The following FHIT variants were observed in gnomAD, a reference collection of about 807,000 sequenced individuals.
FHIT encodes the protein fragile histidine triad diadenosine triphosphatase.
A neutral mutation model predicts 17.9 loss-of-function variants in FHIT; 19 were observed. The ratio of observed to expected loss-of-function variants is 1.06; its 90% CI spans 0.74 to 1.56. FHIT has a LOEUF of 1.56. Among genes scored for constraint, FHIT ranks in the 40% most tolerant of loss-of-function variants. The probability of loss-of-function intolerance (pLI) is 0.00; values close to 1 mark genes in which losing one functional copy is unlikely to be tolerated. For missense variants in FHIT, 248 were observed against 189.2 expected, an observed-to-expected ratio of 1.31 and a Z score of -1.82; for synonymous variants, 81 against 69.7, an observed-to-expected ratio of 1.16 and a Z score of -0.81.
intron 4 of FHIT, among the ~76,000 whole-genome samples, chr3:60,642,315 A>G (rs1489697530): frequency 6.6e-6 from 1 of 152,246 alleles, no homozygotes; most frequent in African/African-American, 2.4e-5. Context: ...ACTGGAATAC[A>G]TAAGATCTTC....
chr3:60,636,934 C>T (rs1294529678), intron 4 of FHIT, among the ~76,000 whole-genome samples: 1 of 152,228 alleles, frequency 6.6e-6, no homozygotes, highest in Admixed American at 6.5e-5. Flanking sequence ...TTTGATGGTG[C>T]CTTTCTCCTC....
chr3:60,331,084 C>A (rs549601947), intron 5 of FHIT, among the ~76,000 whole-genome samples: 1 of 152,292 alleles, frequency 6.6e-6, no homozygotes, highest in African/African-American at 2.4e-5. Context: ...CTTGTGCAAT[C>A]TTAAGTCCAA....
At chr3:60,875,746 A>G (rs1426522860) in intron 3 of FHIT, among the ~76,000 whole-genome samples, 2 of 152,196 alleles carry the variant, frequency 1.3e-5, no homozygotes, top group East Asian at 3.9e-4. Flanking sequence ...TACATAGTAG[A>G]TTATGATCAT....
chr3:61,047,230 C>T (rs980302287), intron 2 of FHIT, among the ~76,000 whole-genome samples: 12 of 152,268 alleles, frequency 7.9e-5, no homozygotes, highest in African/African-American at 2.6e-4. Context: ...ATTTAGAAAA[C>T]CCCATCGTCT....
chr3:59,940,578 C>G (rs1706466138), intron 7 of FHIT, among the ~76,000 whole-genome samples: 1 of 152,126 alleles, frequency 6.6e-6, no homozygotes, highest in Admixed American at 6.5e-5. Flanking sequence ...CACTGGGGTA[C>G]AAATCCTTAG....
At chr3:60,794,410 A>T (rs1700902527) in intron 4 of FHIT, among the ~76,000 whole-genome samples, 1 of 148,938 alleles carries the variant, frequency 6.7e-6, no homozygotes, top group African/African-American at 2.5e-5. Context: ...GGATGGATGG[A>T]TGGATGGATA....
At chr3:59,804,142 G>A (rs1256863017) in intron 8 of FHIT, among the ~76,000 whole-genome samples, 2 of 152,192 alleles carry the variant, frequency 1.3e-5, no homozygotes, top group Middle Eastern at 3.2e-3. Context: ...CTCGCAGAGC[G>A]ACCATCAGGT....
At position 60,656,160 on chromosome 3, in the gene FHIT, C is replaced by G. The variant is rs139187370; in HGVS notation, c.-17-119181G>C. 3.7e-4 allele frequency among the ~76,000 whole-genome samples: 57 copies of G among 152,240 alleles called. 1 individual carries two copies. The East Asian group carries it at 0.011, about 29-fold the overall frequency. The stretch of plus-strand genomic sequence containing the variant: ...TGCTGGTTTTATCTCATCTGAAACT[C>G]AAGAAGGGTACAAAAGCAGGACCTC... On this transcript the variant is annotated intron_variant, in intron 4 of 9. Transcript: ENST00000492590.
intron 4 of FHIT, among the ~76,000 whole-genome samples, chr3:60,729,004 G>A (rs1040962431): frequency 7.9e-5 from 12 of 152,122 alleles, no homozygotes; most frequent in African/African-American, 2.4e-4. Flanking sequence ...GAGAGCAAGA[G>A]AAAGTCATTT....
At chr3:60,732,683 G>GTTTTT in intron 4 of FHIT, 8 of 193,144 alleles carry the variant, frequency 4.1e-5, no homozygotes, top group Non-Finnish European at 4.9e-5. Flanking sequence ...TGCAAAGACT[G>GTTTTT]CTTTTTTTTT....
At chr3:59,828,559 G>A (rs1701053750) in intron 8 of FHIT, among the ~76,000 whole-genome samples, 1 of 152,190 alleles carries the variant, frequency 6.6e-6, no homozygotes, top group African/African-American at 2.4e-5. Flanking sequence ...GAAATGCAAA[G>A]TTCCCAGAAA....
chr3:60,676,328 A>G (rs1164091866), intron 4 of FHIT, among the ~76,000 whole-genome samples: 1 of 152,218 alleles, frequency 6.6e-6, no homozygotes, highest in Non-Finnish European at 1.5e-5. Context: ...TGGAACTTAA[A>G]TCATCACTTC....
Position 60,331,785 on chromosome 3 carries a change from G to T in FHIT, c.103+205075C>A, listed in dbSNP as rs1387139205. On this transcript the variant is annotated intron_variant, in intron 5 of 9. Coordinates refer to ENST00000492590, the MANE Select transcript of FHIT (RefSeq NM_002012.4). ...CACTTGAACCCAGGAGGTGGAAGTT[G>T]TGGTGAGCCGAGATTGCGCCGTTGC... Among the ~76,000 whole-genome samples, 139 of 151,870 alleles carry T rather than the reference G, an allele frequency of 9.2e-4. 1 individual carries two copies. Among genetic ancestry groups the T allele is most frequent in the Non-Finnish European group, 2.5e-4 (17 of 67,972 alleles).
intron 8 of FHIT, among the ~76,000 whole-genome samples, chr3:59,755,568 T>C (rs996961414): frequency 2.0e-5 from 3 of 152,190 alleles, no homozygotes; most frequent in Non-Finnish European, 2.9e-5. Context: ...CTAGATTACT[T>C]TGGCTGCCCA....
intron 5 of FHIT, among the ~76,000 whole-genome samples, chr3:60,163,183 T>G (rs1701014534): frequency 6.6e-6 from 1 of 152,046 alleles, no homozygotes; most frequent in African/African-American, 2.4e-5. Flanking sequence ...ACTGCACAGG[T>G]CAAGTAAGGT....
At chr3:60,968,165 T>C (rs967758430) in intron 3 of FHIT, among the ~76,000 whole-genome samples, 2 of 152,328 alleles carry the variant, frequency 1.3e-5, no homozygotes, top group Non-Finnish European at 2.9e-5. Context: ...TTCCAACTTT[T>C]AGGCTGTGGT....
intron 3 of FHIT, among the ~76,000 whole-genome samples, chr3:60,941,525 G>C (rs1708406712): frequency 6.6e-6 from 1 of 152,142 alleles, no homozygotes; most frequent in South Asian, 2.1e-4. Context: ...CCCTTCTCTA[G>C]AAGCAATCAC....
chr3:60,586,423 C>A (rs1266635721), intron 4 of FHIT, among the ~76,000 whole-genome samples: 2 of 151,944 alleles, frequency 1.3e-5, no homozygotes, highest in African/African-American at 4.8e-5. Flanking sequence ...GAAGTGTCAG[C>A]TGGAGACTTT....
At chr3:60,492,901 C>G (rs2034128182) in intron 5 of FHIT, among the ~76,000 whole-genome samples, 1 of 152,164 alleles carries the variant, frequency 6.6e-6, no homozygotes, top group Non-Finnish European at 1.5e-5. Flanking sequence ...TGTTGCTTCA[C>G]TGGTTCCTTT....
Sources: gnomAD v4.1 joint callset for allele counts (sites outside exome capture counted in the v4.1 genomes callset) on GRCh38, gnomAD v4.1.1 for gene constraint, MANE v1.5 for transcripts, NCBI Gene and HGNC (gene_info 2026-07-23, HGNC 2026-07-21) for gene names.